The following RFX3 variants were observed in gnomAD, a reference collection of about 807,000 sequenced individuals.
The protein encoded by RFX3 is regulatory factor X3, also known as transcription factor RFX3.
In RFX3, 14 loss-of-function variants were observed where a neutral mutation model predicts 98.6. The observed-to-expected ratio is 0.14, with a 90% CI of 0.09 to 0.22. The LOEUF is 0.22. RFX3 is among the 10% of genes least tolerant of loss of function. The pLI is 1.00. For synonymous variants in RFX3, 383 were observed against 328.4 expected, an observed-to-expected ratio of 1.17 and a Z score of -1.80; for missense variants, 639 against 926.9, an observed-to-expected ratio of 0.69 and a Z score of 4.03.
chr9:3,335,702 T>C (rs1833100325), intron 3 of RFX3, among the ~76,000 whole-genome samples: 1 of 152,226 alleles, frequency 6.6e-6, no homozygotes, highest in South Asian at 2.1e-4. Flanking sequence ...ATCTTTCCAT[T>C]GTTCTGCATA....
chr9:3,496,598 C>T (rs757169213), intron 1 of RFX3, among the ~76,000 whole-genome samples: 1 of 151,938 alleles, frequency 6.6e-6, no homozygotes, highest in Non-Finnish European at 1.5e-5. Context: ...TGTACTATCA[C>T]GTTAAGCTCT....
At chr9:3,299,511 G>T (rs1231502773) in intron 5 of RFX3, among the ~76,000 whole-genome samples, 1 of 151,670 alleles carries the variant, frequency 6.6e-6, no homozygotes, top group Non-Finnish European at 1.5e-5. Flanking sequence ...GCCTCAAGGT[G>T]TAATAAAAAT....
intron 2 of RFX3, among the ~76,000 whole-genome samples, chr9:3,366,702 CTTTCTTTCT>C (rs1156700820): frequency 7.9e-5 from 6 of 76,304 alleles, no homozygotes; most frequent in African/African-American, 2.2e-4. Context: ...TCCTTTCTTT[CTTTCTTTCT>C]TTCTTTCTTT....
chr9:3,219,313 T>G lies in RFX3; in HGVS notation c.*5729A>C, dbSNP rs1274727087. ...CTTGGTTATCAACAGTCAATGGGAG[T>G]TTTTATATTTTCTTTCCTCCCCAGA... On this transcript the variant is annotated 3_prime_UTR_variant, in exon 17 of 17. Coordinates refer to ENST00000617270, the MANE Select transcript of RFX3 (RefSeq NM_001282116.2). 6.6e-6 allele frequency: 1 copy of G among 151,242 alleles called. No homozygotes were observed. Among genetic ancestry groups the G allele is most frequent in the Admixed American group, 6.6e-5 (1 of 15,184 alleles). 9.4% of individuals were successfully genotyped at this position (151,242 alleles called of 1,614,324 possible).
At chr9:3,341,024 A>T (rs1327661922) in intron 3 of RFX3, among the ~76,000 whole-genome samples, 1 of 152,230 alleles carries the variant, frequency 6.6e-6, no homozygotes, top group Non-Finnish European at 1.5e-5. Context: ...ACAACAATAG[A>T]CTGGATTAAG....
rs34599472 is a variant in RFX3, at chr9:3,243,330, C to CAAA, written c.1968+4699_1968+4701dup. On this transcript the variant is annotated intron_variant, in intron 15 of 16. Coordinates refer to ENST00000617270, the MANE Select transcript of RFX3 (RefSeq NM_001282116.2). ...AATTGTTTCCTTTTTATCATTTAGG[C>CAAA]AAAAAAAAAAAACTCTAGAATTGCA... 5.2e-3 allele frequency among the ~76,000 whole-genome samples: 769 copies of CAAA among 146,542 alleles called. 7 individuals carry two copies. The highest frequency in any genetic ancestry group is 0.026 in the South Asian group (121 of 4,682).
chr9:3,363,734 T>C (rs1836735316), intron 2 of RFX3, among the ~76,000 whole-genome samples: 2 of 152,218 alleles, frequency 1.3e-5, no homozygotes, highest in Admixed American at 6.5e-5. Context: ...AGACATGGTG[T>C]CAGCTGGCAG....
In RFX3 at chr9:3,485,066, G is replaced by A. The variant is rs183123441; in HGVS notation, c.-9+40681C>T. On this transcript the variant is annotated intron_variant, in intron 1 of 16. Transcript: ENST00000617270. ...GTTCAAGGCTTCAGTGAACTATGACGGTATCACCGCACTCCAGTCTGGGAA... is the reference window on the plus strand; with the variant it reads ...GTTCAAGGCTTCAGTGAACTATGACAGTATCACCGCACTCCAGTCTGGGAA... Among the ~76,000 whole-genome samples, 168 of 151,984 alleles carry A rather than the reference G, an allele frequency of 1.1e-3. 3 individuals are homozygous for A. Among genetic ancestry groups the A allele is most frequent in the Admixed American group, 0.011 (162 of 15,272 alleles).
At chr9:3,498,398 G>C (rs758282158) in intron 1 of RFX3, among the ~76,000 whole-genome samples, 45 of 151,886 alleles carry the variant, frequency 3.0e-4, no homozygotes, top group Non-Finnish European at 5.4e-4. Flanking sequence ...AGTTTTATAT[G>C]AACATCCCTT....
intron 1 of RFX3, among the ~76,000 whole-genome samples, chr9:3,500,104 T>C (rs1239530551): frequency 6.6e-6 from 1 of 152,074 alleles, no homozygotes; most frequent in African/African-American, 2.4e-5. Context: ...CAGAGGAATG[T>C]GGAACAACTA....
intron 4 of RFX3, among the ~76,000 whole-genome samples, chr9:3,327,876 G>C (rs932591771): frequency 1.4e-5 from 2 of 147,044 alleles, no homozygotes; most frequent in African/African-American, 5.3e-5. Flanking sequence ...TACATAGAAA[G>C]TGTATACCTT....
Position 3,277,422 on chromosome 9 carries a change from A to G in RFX3, c.891T>C (p.Gly297=), listed in dbSNP as rs1327957349. The G allele has an allele frequency of 6.2e-7, 1 of 1,612,608 alleles. No homozygotes were observed. Among genetic ancestry groups the G allele is most frequent in the Non-Finnish European group, 8.5e-7 (1 of 1,178,898 alleles). Residue 297 remains glycine, a synonymous_variant, in exon 8 of 17, where the codon GGT becomes GGC. Coordinates refer to ENST00000617270, the MANE Select transcript of RFX3 (RefSeq NM_001282116.2). ...CTGTCTGTTGACCACTTCCTGTGAA[A>G]CCATCTGCAACCCCATCCACTTTCT... is the stretch of plus-strand genomic sequence containing the variant. ...PMQKVDGVAD[G]FTGSGQQTGT...
At chr9:3,440,770 T>G (rs1379391302) in intron 1 of RFX3, among the ~76,000 whole-genome samples, 3 of 152,124 alleles carry the variant, frequency 2.0e-5, no homozygotes, top group South Asian at 2.1e-4. Context: ...GGACTTAGAA[T>G]AGCAAAAACA....
intron 4 of RFX3, among the ~76,000 whole-genome samples, chr9:3,329,820 T>C (rs1832380934): frequency 6.6e-6 from 1 of 152,202 alleles, no homozygotes; most frequent in South Asian, 2.1e-4. Flanking sequence ...ATATAACTTC[T>C]CTGGGCATGA....
At chr9:3,240,853 A>C (rs1015301121) in intron 15 of RFX3, among the ~76,000 whole-genome samples, 5 of 152,188 alleles carry the variant, frequency 3.3e-5, no homozygotes, top group Non-Finnish European at 7.3e-5. Flanking sequence ...AGAGTGTGGC[A>C]AAGTGGCCAG....
In RFX3 at chr9:3,303,097, C is replaced by T. The variant is rs1828859571; in HGVS notation, c.475-1477G>A. On this transcript the variant is annotated intron_variant, in intron 4 of 16. Transcript: ENST00000617270. ...TTCTTAATCATTCTCTTCTAAGAAA[C>T]ACAGGCTTCTAGAAACATAGGCTTC... is the stretch of plus-strand genomic sequence containing the variant. Among the ~76,000 whole-genome samples, 4 of 151,764 alleles carry T rather than the reference C, an allele frequency of 2.6e-5. No homozygotes were observed. The South Asian group carries it at 8.3e-4, about 31-fold the overall frequency.
chr9:3,387,146 T>C (rs1311962746), intron 2 of RFX3, among the ~76,000 whole-genome samples: 1 of 152,140 alleles, frequency 6.6e-6, no homozygotes. Context: ...ACATCTTTGG[T>C]GTCACATTAT....
intron 2 of RFX3, among the ~76,000 whole-genome samples, chr9:3,366,119 C>T (rs1837036831): frequency 6.6e-6 from 1 of 151,988 alleles, no homozygotes; most frequent in Non-Finnish European, 1.5e-5. Context: ...ATACTAGCTC[C>T]TAAATGTCTT....
chr9:3,300,862 T>C (rs1006489269), intron 5 of RFX3, among the ~76,000 whole-genome samples: 16 of 151,912 alleles, frequency 1.1e-4, no homozygotes, highest in Admixed American at 2.6e-4. Context: ...CACAAAACTA[T>C]CATCACCCTT....
Sources: allele counts gnomAD v4.1 joint callset (sites outside exome capture counted in the v4.1 genomes callset), GRCh38; gene constraint gnomAD v4.1.1; transcripts MANE v1.5; gene names NCBI Gene and HGNC (gene_info 2026-07-23, HGNC 2026-07-21).